DOK6: variants seen among roughly 807,000 people sequenced by gnomAD.
DOK6 encodes the protein docking protein 6.
A neutral mutation model predicts 44.0 loss-of-function variants in DOK6; 22 were observed. The ratio of observed to expected loss-of-function variants is 0.50; its 90% CI spans 0.36 to 0.71. The LOEUF is 0.71. Ranked by LOEUF, DOK6 falls within the 30% of genes least tolerant of loss-of-function variation. The pLI, the probability that DOK6 is intolerant of heterozygous loss-of-function variation, is 0.00. For missense variants in DOK6, 340 were observed against 416.4 expected (o/e 0.82, Z 1.60); for synonymous variants, 166 against 145.5 (o/e 1.14, Z -1.01).
chr18:69,765,003 C>T (rs1445021050), intron 7 of DOK6, among the ~76,000 whole-genome samples: 1 of 152,138 alleles, frequency 6.6e-6, no homozygotes, highest in Non-Finnish European at 1.5e-5. Flanking sequence ...GCTTCATTTT[C>T]TCAGAAGGAC....
At chr18:69,519,996 T>C (rs1981641434) in intron 1 of DOK6, among the ~76,000 whole-genome samples, 1 of 151,852 alleles carries the variant, frequency 6.6e-6, no homozygotes, top group African/African-American at 2.4e-5. Flanking sequence ...TAAATGTATC[T>C]GAGGCACTGT....
At chr18:69,695,403 A>G (rs1424303788) in intron 4 of DOK6, among the ~76,000 whole-genome samples, 1 of 152,214 alleles carries the variant, frequency 6.6e-6, no homozygotes, top group Non-Finnish European at 1.5e-5. Flanking sequence ...AAAAAGCAGC[A>G]TAATTAGAGA....
At chr18:69,750,770 A>G (rs758390368) in intron 6 of DOK6, among the ~76,000 whole-genome samples, 1 of 152,238 alleles carries the variant, frequency 6.6e-6, no homozygotes, top group Non-Finnish European at 1.5e-5. Context: ...AAGAGATTCA[A>G]TTCTCTTATA....
intron 5 of DOK6, among the ~76,000 whole-genome samples, chr18:69,706,523 T>A (rs1026470345): frequency 2.8e-4 from 42 of 151,802 alleles, no homozygotes; most frequent in East Asian, 1.7e-3. Context: ...TCTTTTTTTT[T>A]TTAATTTTAT....
intron 3 of DOK6, chr18:69,659,822 T>TTTTA (rs1555720926): frequency 1.3e-5 from 1 of 78,340 alleles, no homozygotes; most frequent in South Asian, 5.6e-4. Flanking sequence ...TTTTTTTTTG[T>TTTTA]TATATATATA....
intron 1 of DOK6, among the ~76,000 whole-genome samples, chr18:69,483,055 C>T (rs1388198017): frequency 2.6e-5 from 4 of 151,926 alleles, no homozygotes; most frequent in South Asian, 2.1e-4. Context: ...CTCCACCCTC[C>T]GACAGGCCCC....
chr18:69,837,316 C>G (rs1470601304), intron 7 of DOK6, among the ~76,000 whole-genome samples: 1 of 152,118 alleles, frequency 6.6e-6, no homozygotes, highest in South Asian at 2.1e-4. Context: ...CAGGATGAGA[C>G]AGCAAGAAGG....
At chr18:69,734,740 C>G (rs1459106960) in intron 5 of DOK6, among the ~76,000 whole-genome samples, 1 of 152,088 alleles carries the variant, frequency 6.6e-6, no homozygotes, top group Admixed American at 6.5e-5. Context: ...TGCCAGATGT[C>G]AACTAATTCA....
At chr18:69,720,103 C>T (rs143878621) in intron 5 of DOK6, among the ~76,000 whole-genome samples, 2,318 of 152,208 alleles carry the variant, frequency 0.015, 39 homozygotes, top group South Asian at 0.028. Context: ...GCATGAGAAT[C>T]GCTTGAACCT....
chr18:69,773,347 C>CA (rs976318793), intron 7 of DOK6, among the ~76,000 whole-genome samples: 20 of 151,298 alleles, frequency 1.3e-4, no homozygotes, highest in Non-Finnish European at 2.1e-4. Flanking sequence ...GGGTATTTAT[C>CA]AAAAAAAATA....
chr18:69,804,066 G>T lies in DOK6; in HGVS notation c.857-37178G>T, dbSNP rs551012307. ...TTCAAACTAGAAATGTCAGAAAGAG[G>T]ATTGATTTTCCCTAAACAAAATTTT... On this transcript the variant is annotated intron_variant, in intron 7 of 7. Transcript: ENST00000382713. Among the ~76,000 whole-genome samples, 10 of 152,222 alleles carry T rather than the reference G, an allele frequency of 6.6e-5. No individual in the cohort carries two copies. In the South Asian group the frequency reaches 2.1e-3, roughly 32 times the overall value.
chr18:69,431,584 G>A (rs575944922), intron 1 of DOK6, among the ~76,000 whole-genome samples: 200 of 152,130 alleles, frequency 1.3e-3, no homozygotes, highest in Non-Finnish European at 2.1e-3. Flanking sequence ...ACTTTGCATC[G>A]GGCGCTACCT....
chr18:69,539,973 G>T (rs1272544064), intron 1 of DOK6, among the ~76,000 whole-genome samples: 3 of 152,150 alleles, frequency 2.0e-5, no homozygotes, highest in African/African-American at 4.8e-5. Flanking sequence ...TAGGTGAAGG[G>T]GAAGGAGGCA....
intron 1 of DOK6, among the ~76,000 whole-genome samples, chr18:69,557,451 T>A (rs1982716060): frequency 6.6e-6 from 1 of 152,198 alleles, no homozygotes; most frequent in Non-Finnish European, 1.5e-5. Context: ...AAACAGGATA[T>A]CCTTTGTGTA....
chr18:69,598,808 G>A (rs1983805893), intron 2 of DOK6, among the ~76,000 whole-genome samples: 1 of 151,934 alleles, frequency 6.6e-6, no homozygotes, highest in African/African-American at 2.4e-5. Context: ...GTTAACCTGG[G>A]TGCATAAATC....
intron 6 of DOK6, chr18:69,739,308 C>A: frequency 1.7e-6 from 1 of 588,782 alleles, no homozygotes; most frequent in Non-Finnish European, 2.7e-6. Flanking sequence ...AACTGTGAGC[C>A]CTGCACTTCT....
chr18:69,551,493 C>G (rs1356889206), intron 1 of DOK6, among the ~76,000 whole-genome samples: 1 of 152,022 alleles, frequency 6.6e-6, no homozygotes, highest in African/African-American at 2.4e-5. Flanking sequence ...AAAAGTAGGG[C>G]AGGTAATATT....
intron 1 of DOK6, among the ~76,000 whole-genome samples, chr18:69,417,907 T>A (rs1025168985): frequency 5.9e-5 from 9 of 152,176 alleles, no homozygotes; most frequent in African/African-American, 2.2e-4. Flanking sequence ...AGATTGTTTG[T>A]TTATATTGCT....
intron 3 of DOK6, among the ~76,000 whole-genome samples, chr18:69,653,216 A>C (rs1371871548): frequency 6.6e-6 from 1 of 152,100 alleles, no homozygotes; most frequent in Non-Finnish European, 1.5e-5. Flanking sequence ...GCCAATTCGT[A>C]AGTAACACAG....
Sources: allele counts gnomAD v4.1 joint callset (sites outside exome capture counted in the v4.1 genomes callset), GRCh38; gene constraint gnomAD v4.1.1; transcripts MANE v1.5; gene names NCBI Gene and HGNC (gene_info 2026-07-23, HGNC 2026-07-21).